AFG3L2: variants seen among roughly 807,000 people sequenced by gnomAD.
AFG3L2 encodes AFG3 like matrix AAA peptidase subunit 2, also known as mitochondrial inner membrane m-AAA protease component AFG3L2.
In AFG3L2, 54 loss-of-function variants were observed where a neutral mutation model predicts 94.5. The ratio of observed to expected loss-of-function variants is 0.57; its 90% confidence interval spans 0.46 to 0.72. The LOEUF (loss-of-function observed/expected upper bound fraction) is 0.72, where lower values mean the gene tolerates loss of function less well. Ranked by LOEUF, AFG3L2 falls within the 30% of genes least tolerant of loss-of-function variation. The pLI, the probability that AFG3L2 is intolerant of heterozygous loss-of-function variation, is 0.00. For synonymous variants in AFG3L2, 377 were observed against 365.5 expected (o/e 1.03, Z -0.36); for missense variants, 754 against 994.9 (o/e 0.76, Z 3.26).
intron 13 of AFG3L2, 66 bp downstream of exon 13, chr18:12,348,207 G>C: frequency 7.2e-7 from 1 of 1,390,116 alleles, no homozygotes; most frequent in South Asian, 1.2e-5. Context: ...TGCCCAAACA[G>C]AGAAATCCCT....
chr18:12,375,660 C>T (rs1909132010), intron 1 of AFG3L2, among the ~76,000 whole-genome samples: 1 of 152,206 alleles, frequency 6.6e-6, no homozygotes, highest in Admixed American at 6.5e-5. Context: ...ATTCCCCTGC[C>T]TCAGTCTCCC....
At chr18:12,362,891 G>A (rs560174213) in intron 6 of AFG3L2, among the ~76,000 whole-genome samples, 34 of 151,826 alleles carry the variant, frequency 2.2e-4, no homozygotes, top group Middle Eastern at 3.4e-3. Context: ...TGGAACACAC[G>A]TTGCCTACCG....
intron 1 of AFG3L2, among the ~76,000 whole-genome samples, chr18:12,373,677 G>T (rs1909058496): frequency 2.0e-5 from 3 of 152,200 alleles, no homozygotes; most frequent in Admixed American, 2.0e-4. Flanking sequence ...GGCTTATGGT[G>T]AGGGTCACAT....
chr18:12,366,631 G>GGCT (rs1196856731), intron 5 of AFG3L2, among the ~76,000 whole-genome samples: 2 of 151,992 alleles, frequency 1.3e-5, no homozygotes, highest in African/African-American at 4.8e-5. Context: ...CAGGGGCAGA[G>GGCT]GCTGGCACAC....
At chr18:12,358,271 C>T (rs915140726) in intron 8 of AFG3L2, among the ~76,000 whole-genome samples, 8 of 152,308 alleles carry the variant, frequency 5.3e-5, no homozygotes, top group African/African-American at 1.7e-4. Context: ...GATCCTGTGC[C>T]GTGAACCTCA....
intron 14 of AFG3L2, 41 bp downstream of exon 14, chr18:12,344,091 C>T (rs766925748): frequency 6.5e-7 from 1 of 1,527,630 alleles, no homozygotes; most frequent in Non-Finnish European, 9.1e-7. Context: ...AGCATCTGCT[C>T]ACCCATGCAC....
At chr18:12,337,012 G>A (rs1343060106) in intron 16 of AFG3L2, 3 of 518,546 alleles carry the variant, frequency 5.8e-6, no homozygotes, top group East Asian at 2.9e-5. Flanking sequence ...TGGTAAACCA[G>A]GCAATCATGC....
rs756205069 is a variant in AFG3L2 at position 12,348,320 on chromosome 18, G to T, written c.1616C>A (p.Ser539Tyr). ...CTGTTCAAAGTGTTTCTGATTTATG[G>T]AATCTGACAGATGCCTTGCAGCAAT... The part of the protein sequence containing the change: ...ALIAARHLSD[S>Y]INQKHFEQAI... The change falls in exon 13 of 17, where the codon TCC becomes TAC. Residue 539 changes from serine (S) to tyrosine (Y), a missense_variant. Transcript: ENST00000269143. 2.5e-5 allele frequency: 41 copies of T among 1,613,932 alleles called. No individual in the cohort carries two copies. Among genetic ancestry groups the T allele is most frequent in the African/African-American group, 5.3e-5 (4 of 74,874 alleles).
At chr18:12,341,527 G>A (rs1421210421) in intron 14 of AFG3L2, 1 of 152,140 alleles carries the variant, frequency 6.6e-6, no homozygotes, top group Non-Finnish European at 1.5e-5. Context: ...GAAATTGTAT[G>A]GCACATACTT....
intron 3 of AFG3L2, 96 bp from the exon 4 acceptor site, chr18:12,367,478 A>G: frequency 8.8e-7 from 1 of 1,133,674 alleles, no homozygotes; most frequent in Non-Finnish European, 1.3e-6. Flanking sequence ...GACTCATTGC[A>G]GAATACACTG....
intron 6 of AFG3L2, 190 bp from the exon 7 acceptor site, chr18:12,360,241 T>C: frequency 3.4e-6 from 2 of 592,000 alleles, no homozygotes. Context: ...CACTTGGCAA[T>C]TCTTGGCAAA....
chr18:12,356,217 T>G (rs1908490510), intron 9 of AFG3L2, among the ~76,000 whole-genome samples: 1 of 151,378 alleles, frequency 6.6e-6, no homozygotes, highest in Non-Finnish European at 1.5e-5. Context: ...AGTGGTGTCA[T>G]CTTGGTTCAC....
chr18:12,346,393 A>G (rs117043927), intron 13 of AFG3L2, among the ~76,000 whole-genome samples: 2,120 of 152,218 alleles, frequency 0.014, 25 homozygotes, highest in Middle Eastern at 0.024. Context: ...GCCCCGGCTC[A>G]CATGCAGGAC....
chr18:12,339,579 G>A (rs1354558241), intron 15 of AFG3L2, among the ~76,000 whole-genome samples: 1 of 149,222 alleles, frequency 6.7e-6, no homozygotes, highest in Non-Finnish European at 1.5e-5. Flanking sequence ...AAAAAAGCTG[G>A]GCGCAGTGGC....
chr18:12,354,284 C>T (rs1036147034), intron 9 of AFG3L2, among the ~76,000 whole-genome samples: 1 of 152,150 alleles, frequency 6.6e-6, no homozygotes, highest in Non-Finnish European at 1.5e-5. Context: ...GACCTACAGA[C>T]CCACACCTTC....
chr18:12,339,219 C>T (rs111996203), intron 15 of AFG3L2, among the ~76,000 whole-genome samples: 9 of 109,660 alleles, frequency 8.2e-5, no homozygotes, highest in Middle Eastern at 0.017. Flanking sequence ...CCAGCCTGGG[C>T]GACCGAGACT....
rs756485567 is a variant in AFG3L2, at chr18:12,356,712, A to G, written c.1146T>C (p.Val382=). The change falls in exon 9 of 17, where the codon GTT becomes GTC. Residue 382 remains valine (V), a synonymous_variant. Coordinates refer to ENST00000269143, the MANE Select transcript of AFG3L2 (RefSeq NM_006796.3). Reference sequence around the variant, plus strand: ...GACTCACTCTAGCAGGGCCCACACCAACGAACATCTCCAAAAACTCAGATC... The same window carrying G: ...GACTCACTCTAGCAGGGCCCACACCGACGAACATCTCCAAAAACTCAGATC... The part of the protein sequence containing the change: ...VSGSEFLEMF[V]GVGPARVRDL... 53 of 1,614,080 alleles carry G rather than the reference A, an allele frequency of 3.3e-5. No individual in the cohort carries two copies. Among genetic ancestry groups the G allele is most frequent in the Admixed American group, 1.7e-5 (1 of 60,000 alleles).
At chr18:12,373,959 A>T (rs1348803328) in intron 1 of AFG3L2, among the ~76,000 whole-genome samples, 1 of 152,200 alleles carries the variant, frequency 6.6e-6, no homozygotes, top group Non-Finnish European at 1.5e-5. Context: ...TTTCAACATG[A>T]GTTTTGGTGA....
intron 15 of AFG3L2, among the ~76,000 whole-genome samples, 163 bp from the exon 16 acceptor site, chr18:12,337,698 A>C (rs970343462): frequency 6.6e-6 from 1 of 152,222 alleles, no homozygotes; most frequent in African/African-American, 2.4e-5. Context: ...AGAAACACAG[A>C]GCCAGAAGCC....
Sources: allele counts gnomAD v4.1 joint callset (sites outside exome capture counted in the v4.1 genomes callset), GRCh38; gene constraint gnomAD v4.1.1; transcripts MANE v1.5; gene names NCBI Gene and HGNC (gene_info 2026-07-23, HGNC 2026-07-21).